Variants in FAM81A observed in about 807,000 individuals in gnomAD.
FAM81A encodes family with sequence similarity 81 member A.
In FAM81A, 19 loss-of-function variants were observed where a neutral mutation model predicts 46.7. The observed-to-expected ratio is 0.41, with a 90% CI of 0.28 to 0.60. FAM81A has a LOEUF of 0.60. Among genes scored for constraint, FAM81A ranks in the 20% least tolerant of loss-of-function variants. The pLI is 0.34. For missense variants in FAM81A, 377 were observed against 453.5 expected (o/e 0.83, Z 1.53); for synonymous variants, 183 against 152.9 (o/e 1.20, Z -1.45).
In FAM81A at chr15:59,514,304, T is replaced by C. The variant is rs1179497752; in HGVS notation, c.666T>C (p.Val222=). 2 of 1,606,438 alleles carry C rather than the reference T, an allele frequency of 1.2e-6. No individual in the cohort carries two copies. Among genetic ancestry groups the C allele is most frequent in the African/African-American group, 2.7e-5 (2 of 74,364 alleles). Residue 222 remains valine (V), a synonymous_variant, in exon 7 of 9, where the codon GTT becomes GTC. Transcript: ENST00000288228. ...TTTTTTTTAGATTTAAAGGTACAGT[T>C]GAGGAACTCAGTAACCAGATATTAT... ...QLLDTKFKGT[V]EELSNQILSA...
chr15:59,484,063 C>G (rs1172518237), intron 3 of FAM81A, among the ~76,000 whole-genome samples: 2 of 152,208 alleles, frequency 1.3e-5, no homozygotes, highest in Admixed American at 6.5e-5. Context: ...ACTCTCAAGA[C>G]TACCTACTTA....
At chr15:59,510,081 AC>A (rs1477784699) in intron 6 of FAM81A, among the ~76,000 whole-genome samples, 1 of 152,130 alleles carries the variant, frequency 6.6e-6, no homozygotes, top group Non-Finnish European at 1.5e-5. Flanking sequence ...AAAACCAAAT[AC>A]ATGGTGGGTG....
Position 59,492,370 on chromosome 15 carries a change from C to G in FAM81A, c.394C>G (p.Leu132Val). Residue 132 changes from leucine to valine, a missense_variant, in exon 4 of 9, where the codon CTT becomes GTT. Physicochemically the swap from Leu to Val is conservative, Grantham distance 32. Transcript: ENST00000288228. ...GCGCCAGCTCTCCGGTTTGGGAGATCTTCGAGGAAGAGTGGCAAGGTAGGT... is the reference window on the plus strand; with the variant it reads ...GCGCCAGCTCTCCGGTTTGGGAGATGTTCGAGGAAGAGTGGCAAGGTAGGT... ...EMRQLSGLGD[L>V]RGRVARCDAS... 1 of 1,613,430 alleles carries G rather than the reference C, an allele frequency of 6.2e-7. No homozygotes were observed. Among genetic ancestry groups the G allele is most frequent in the Non-Finnish European group, 8.5e-7 (1 of 1,179,688 alleles).
chr15:59,464,249 G>C (rs1252779138), intron 3 of FAM81A, among the ~76,000 whole-genome samples: 2 of 152,014 alleles, frequency 1.3e-5, no homozygotes. Context: ...TCCATATCTT[G>C]GCTATTATGA....
chr15:59,491,994 AAG>A (rs1405152653), intron 3 of FAM81A, among the ~76,000 whole-genome samples: 4 of 152,198 alleles, frequency 2.6e-5, no homozygotes, highest in Middle Eastern at 3.4e-3. Flanking sequence ...AAAAAAGAAA[AAG>A]AAAGTGGCTT....
chr15:59,476,894 G>A (rs141418714), intron 3 of FAM81A, among the ~76,000 whole-genome samples: 7 of 150,176 alleles, frequency 4.7e-5, no homozygotes, highest in African/African-American at 1.7e-4. Context: ...GACCAAGGTG[G>A]GCAGATCATG....
chr15:59,494,580 C>T (rs529660208), intron 4 of FAM81A, among the ~76,000 whole-genome samples: 1 of 152,196 alleles, frequency 6.6e-6, no homozygotes. Flanking sequence ...CAAAAACTTT[C>T]ACTCTAAAGG....
At chr15:59,496,614 A>G (rs2082036936) in intron 4 of FAM81A, among the ~76,000 whole-genome samples, 1 of 152,084 alleles carries the variant, frequency 6.6e-6, no homozygotes, top group African/African-American at 2.4e-5. Context: ...CAAAAAAAAA[A>G]GAAAGAAAAT....
At chr15:59,405,438 C>T (rs1192755994) in intron 2 of FAM81A, among the ~76,000 whole-genome samples, 15 of 151,838 alleles carry the variant, frequency 9.9e-5, no homozygotes, top group East Asian at 1.9e-4. Flanking sequence ...GTCAGGAGTT[C>T]GAGACCAGCC....
At chr15:59,421,265 A>G (rs375930986) in intron 2 of FAM81A, among the ~76,000 whole-genome samples, 11 of 152,312 alleles carry the variant, frequency 7.2e-5, no homozygotes, top group African/African-American at 2.6e-4. Flanking sequence ...CTCAGTGGAA[A>G]GGCAGATCCC....
intron 1 of FAM81A, 35 bp from the exon 2 acceptor site, chr15:59,458,515 A>G: frequency 1.3e-6 from 2 of 1,487,146 alleles, no homozygotes; most frequent in African/African-American, 1.4e-5. Flanking sequence ...CTAGATATAA[A>G]CTGTTAAATA....
At chr15:59,401,221 C>G in intron 1 of FAM81A, 1 of 999,270 alleles carries the variant, frequency 1.0e-6, no homozygotes, top group South Asian at 1.3e-5. Flanking sequence ...AAATTGCTGT[C>G]GAACCAGTAA....
intron 1 of FAM81A, among the ~76,000 whole-genome samples, chr15:59,455,436 C>A (rs2081471949): frequency 6.6e-6 from 1 of 152,170 alleles, no homozygotes. Flanking sequence ...ATGATAACCT[C>A]AGGCAGGTAA....
chr15:59,440,472 A>G (rs572169916), intron 1 of FAM81A, among the ~76,000 whole-genome samples: 1 of 152,290 alleles, frequency 6.6e-6, no homozygotes, highest in Admixed American at 6.5e-5. Flanking sequence ...AGCCAGCTTC[A>G]TTCTCTTCTC....
intron 3 of FAM81A, among the ~76,000 whole-genome samples, chr15:59,462,809 T>C (rs184882439): frequency 3.3e-5 from 5 of 152,340 alleles, no homozygotes; most frequent in Non-Finnish European, 4.4e-5. Flanking sequence ...CATAATGTTT[T>C]CAAGGTCCAT....
chr15:59,467,056 A>G (rs920140845), intron 3 of FAM81A, among the ~76,000 whole-genome samples: 1 of 152,022 alleles, frequency 6.6e-6, no homozygotes, highest in Non-Finnish European at 1.5e-5. Context: ...GTTCTGTTCC[A>G]TTGGTCTATA....
chr15:59,500,629 A>G (rs1258087503), intron 4 of FAM81A, among the ~76,000 whole-genome samples: 1 of 151,214 alleles, frequency 6.6e-6, no homozygotes, highest in African/African-American at 2.4e-5. Context: ...CTCATTATGC[A>G]TATGTTGGTG....
At chr15:59,412,249 G>T (rs1239105207) in intron 2 of FAM81A, among the ~76,000 whole-genome samples, 9 of 152,172 alleles carry the variant, frequency 5.9e-5, no homozygotes, top group African/African-American at 1.9e-4. Context: ...CAAATTTGGG[G>T]CAGTTTAGTG....
At chr15:59,430,562 T>C (rs551113720) in intron 2 of FAM81A, among the ~76,000 whole-genome samples, 222 of 152,124 alleles carry the variant, frequency 1.5e-3, no homozygotes, top group African/African-American at 5.2e-3. Context: ...CCTATTCCCC[T>C]TTTTAAGGGC....
Sources: gnomAD v4.1 joint callset for allele counts (sites outside exome capture counted in the v4.1 genomes callset) on GRCh38, gnomAD v4.1.1 for gene constraint, MANE v1.5 for transcripts, NCBI Gene and HGNC (gene_info 2026-07-23, HGNC 2026-07-21) for gene names.